Variants in KANK1 observed in about 807,000 individuals in gnomAD.
KANK1 encodes the protein KN motif and ankyrin repeat domains 1.
A neutral mutation model predicts 106.2 loss-of-function variants in KANK1; 109 were observed. The ratio of observed to expected loss-of-function variants is 1.03; its 90% CI spans 0.88 to 1.20. KANK1 has a LOEUF of 1.20. KANK1 is among the 50% of genes most tolerant of loss of function. The pLI is 0.00. For synonymous variants in KANK1, 873 were observed against 652.2 expected (o/e 1.34, Z -5.16); for missense variants, 2,399 against 1,710.7 (o/e 1.40, Z -7.10).
At chr9:730,727 C>T (rs1011907760) in intron 4 of KANK1, 9 of 181,940 alleles carry the variant, frequency 4.9e-5, no homozygotes, top group Non-Finnish European at 9.2e-5. Flanking sequence ...AGAAAGCTTA[C>T]CTGATATTAC....
At chr9:645,070 G>A (rs1839344951) in intron 1 of KANK1, among the ~76,000 whole-genome samples, 1 of 140,140 alleles carries the variant, frequency 7.1e-6, no homozygotes, top group Non-Finnish European at 1.5e-5. Context: ...GTTGCAGTGA[G>A]CGGAGATCAC....
intron 8 of KANK1, among the ~76,000 whole-genome samples, chr9:740,055 C>G (rs1241766347): frequency 6.6e-6 from 1 of 151,988 alleles, no homozygotes; most frequent in East Asian, 1.9e-4. Context: ...AACATTTTAA[C>G]TTCATATTTG....
intron 3 of KANK1, among the ~76,000 whole-genome samples, chr9:499,177 C>CAA (rs199624864): frequency 1.0e-4 from 12 of 118,006 alleles, no homozygotes; most frequent in South Asian, 5.3e-4. Flanking sequence ...GACTCTGTCT[C>CAA]AAAAAAAAAA....
chr9:696,946 A>C (rs1034535569), intron 2 of KANK1, among the ~76,000 whole-genome samples: 9 of 152,220 alleles, frequency 5.9e-5, no homozygotes, highest in African/African-American at 1.7e-4. Flanking sequence ...TGATGCACAG[A>C]TGAAGAAAGG....
At chr9:612,129 C>T (rs1025666676) in intron 1 of KANK1, among the ~76,000 whole-genome samples, 1 of 152,208 alleles carries the variant, frequency 6.6e-6, no homozygotes, top group Non-Finnish European at 1.5e-5. Context: ...ACCTCCCACA[C>T]AAAGCCACCT....
intron 8 of KANK1, 94 bp downstream of exon 8, chr9:738,598 G>T (rs1834448864): frequency 1.0e-6 from 1 of 961,880 alleles, no homozygotes; most frequent in South Asian, 1.4e-5. Flanking sequence ...TGAATTCTCT[G>T]ACCATGCTAA....
At chr9:598,819 A>T (rs1826963982) in intron 1 of KANK1, among the ~76,000 whole-genome samples, 1 of 146,726 alleles carries the variant, frequency 6.8e-6, no homozygotes. Flanking sequence ...TTTAATAGAG[A>T]TAGAGTCTTG....
At chr9:715,955 C>T (rs1290433866) in intron 3 of KANK1, among the ~76,000 whole-genome samples, 1 of 152,206 alleles carries the variant, frequency 6.6e-6, no homozygotes, top group Non-Finnish European at 1.5e-5. Flanking sequence ...CCAGGGTGCA[C>T]TGTGCATTCC....
chr9:666,130 C>A (rs1216092848), intron 1 of KANK1, among the ~76,000 whole-genome samples: 1 of 151,930 alleles, frequency 6.6e-6, no homozygotes, highest in Admixed American at 6.6e-5. Flanking sequence ...GCAGTGCTCA[C>A]TGCATTGGTG....
upstream of KANK1, among the ~76,000 whole-genome samples, chr9:500,067 T>A (rs2058524233): frequency 6.6e-6 from 1 of 152,242 alleles, no homozygotes; most frequent in Admixed American, 6.5e-5. Flanking sequence ...TTTTATCTGC[T>A]GCTTTTAAGA....
At chr9:474,280 G>C (rs908935437) in intron 3 of KANK1, among the ~76,000 whole-genome samples, 6 of 152,192 alleles carry the variant, frequency 3.9e-5, no homozygotes, top group African/African-American at 1.4e-4. Context: ...CAGAGGAAAT[G>C]CTGGTAGGAA....
At chr9:493,070 G>A (rs1388387874) in intron 3 of KANK1, among the ~76,000 whole-genome samples, 7 of 149,804 alleles carry the variant, frequency 4.7e-5, no homozygotes, top group African/African-American at 1.7e-4. Flanking sequence ...CTGTGGCCTG[G>A]TAGCCGGCCT....
At chr9:649,465 C>G (rs1052399035) in intron 1 of KANK1, among the ~76,000 whole-genome samples, 2 of 152,192 alleles carry the variant, frequency 1.3e-5, no homozygotes, top group Admixed American at 6.5e-5. Flanking sequence ...ACTTCAGTCA[C>G]TGAGCTGAGC....
chr9:662,110 A>G (rs1843459050), intron 1 of KANK1, among the ~76,000 whole-genome samples: 1 of 152,176 alleles, frequency 6.6e-6, no homozygotes, highest in South Asian at 2.1e-4. Flanking sequence ...CTAGGAATCC[A>G]ACTTACAAGG....
chr9:563,163 A>T (rs192086705), intron 1 of KANK1, among the ~76,000 whole-genome samples: 1 of 149,346 alleles, frequency 6.7e-6, no homozygotes, highest in East Asian at 2.0e-4. Context: ...AATCACTTCG[A>T]GCAAATGAAT....
chr9:672,394 G>C (rs1244828150), intron 1 of KANK1, among the ~76,000 whole-genome samples: 1 of 152,124 alleles, frequency 6.6e-6, no homozygotes, highest in Non-Finnish European at 1.5e-5. Flanking sequence ...ATGAGGATGT[G>C]TCTTATAATG....
rs201528657 is a variant in KANK1, at chr9:738,444, G to A, written c.3493G>A (p.Ala1165Thr). Residue 1165 changes from alanine (A) to threonine (T), a missense_variant, in exon 8 of 12, where the codon GCC becomes ACC. Transcript: ENST00000382297. Reference sequence around the variant, plus strand: ...CTTGGCAGACGGCAACGGCAACACAGCCCTCCATTACAGCGTGTCCCACTC... The same window carrying A: ...CTTGGCAGACGGCAACGGCAACACAACCCTCCATTACAGCGTGTCCCACTC... ...INLADGNGNTALHYSVSHSNF... is the reference protein window; with the variant it reads ...INLADGNGNTTLHYSVSHSNF... 1.9e-6 allele frequency: 3 copies of A among 1,614,148 alleles called. No homozygotes were observed. Among genetic ancestry groups the A allele is most frequent in the Non-Finnish European group, 1.7e-6 (2 of 1,180,024 alleles).
intron 10 of KANK1, 110 bp from the exon 11 acceptor site, chr9:744,381 A>G (rs1453158339): frequency 4.0e-6 from 5 of 1,251,480 alleles, no homozygotes; most frequent in Non-Finnish European, 1.1e-6. Context: ...ACGAGTAGGG[A>G]TATTTGGGGA....
chr9:728,932 T>G (rs1301789879), intron 3 of KANK1, among the ~76,000 whole-genome samples: 2 of 152,224 alleles, frequency 1.3e-5, no homozygotes, highest in African/African-American at 2.4e-5. Flanking sequence ...TTGATTTGTG[T>G]TTGCCTGTAA....
Sources: allele counts gnomAD v4.1 joint callset (sites outside exome capture counted in the v4.1 genomes callset), GRCh38; gene constraint gnomAD v4.1.1; transcripts MANE v1.5; gene names NCBI Gene and HGNC (gene_info 2026-07-23, HGNC 2026-07-21).